Variants in FAT4 observed in about 807,000 individuals in gnomAD.
FAT4 encodes protocadherin Fat 4.
A neutral mutation model predicts 303.9 loss-of-function variants in FAT4; 84 were observed. The ratio of observed to expected loss-of-function variants is 0.28; its 90% CI spans 0.23 to 0.33. The LOEUF is 0.33. FAT4 is among the 10% of genes least tolerant of loss of function. FAT4 has a pLI of 1.00. For missense variants in FAT4, 6,005 were observed against 6,146.8 expected (o/e 0.98, Z 0.77); for synonymous variants, 2,307 against 2,298.8 (o/e 1.00, Z -0.10).
chr4:125,468,466 A>T, intron 11 of FAT4, 46 bp from the exon 12 acceptor site: 1 of 1,324,954 alleles, frequency 7.5e-7, no homozygotes, highest in Non-Finnish European at 1.0e-6. Flanking sequence ...ATATAATAAA[A>T]TTTTCATGAA....
chr4:125,369,222 T>C (rs2125990442), intron 2 of FAT4, among the ~76,000 whole-genome samples: 1 of 152,328 alleles, frequency 6.6e-6, no homozygotes, highest in East Asian at 1.9e-4. Context: ...AGCAGACCTC[T>C]AATCTGAATT....
At chr4:125,376,360 A>G (rs1341599210) in intron 2 of FAT4, among the ~76,000 whole-genome samples, 1 of 152,132 alleles carries the variant, frequency 6.6e-6, no homozygotes, top group Non-Finnish European at 1.5e-5. Context: ...TGTTGATGCT[A>G]TTTGAAAAAA....
chr4:125,328,200 C>T (rs1412173473), intron 2 of FAT4, among the ~76,000 whole-genome samples: 1 of 152,048 alleles, frequency 6.6e-6, no homozygotes, highest in Non-Finnish European at 1.5e-5. Flanking sequence ...AGTATGTTGA[C>T]TGAGAAGGAG....
rs201365776 is a variant in FAT4, at chr4:125,318,369, C to G, written c.1958C>G (p.Ala653Gly). The G allele has an allele frequency of 6.2e-7, 1 of 1,614,206 alleles. No individual in the cohort carries two copies. The highest frequency in any genetic ancestry group is 1.7e-5 in the Admixed American group (1 of 60,024). ...TISSLDREEQAFYSLLVLATD... is the reference protein window; with the variant it reads ...TISSLDREEQGFYSLLVLATD... ...TCCTCCTTGGACAGAGAAGAGCAAG[C>G]CTTCTACTCCCTGTTGGTTCTGGCC... Residue 653 changes from alanine (A) to glycine (G), a missense_variant, in exon 2 of 18, where the codon GCC becomes GGC. Ala to Gly is a moderately conservative substitution (Grantham distance 60, BLOSUM62 0). Transcript: ENST00000394329.
chr4:125,367,987 C>T (rs1453617045), intron 2 of FAT4, among the ~76,000 whole-genome samples: 2 of 152,214 alleles, frequency 1.3e-5, no homozygotes, highest in African/African-American at 2.4e-5. Flanking sequence ...TCTAAATCTG[C>T]CAGTCCAGTT....
chr4:125,468,069 C>G (rs922444734), intron 11 of FAT4, among the ~76,000 whole-genome samples: 3 of 151,968 alleles, frequency 2.0e-5, no homozygotes, highest in Non-Finnish European at 4.4e-5. Flanking sequence ...GAAGCTGAGA[C>G]AAGAGAATCG....
rs777856891 is a variant in FAT4 at position 125,490,882 on chromosome 4, T to G, written c.14066T>G (p.Leu4689Arg). ...SYGQGLRTSSLSHSACPTPNP... is the reference protein window; with the variant it reads ...SYGQGLRTSSRSHSACPTPNP... Reference sequence around the variant, plus strand: ...GGTCAAGGTTTGAGAACCAGCTCCCTAAGCCACTCAGCATGCCCAACTCCC... The same window carrying G: ...GGTCAAGGTTTGAGAACCAGCTCCCGAAGCCACTCAGCATGCCCAACTCCC... The change falls in exon 18 of 18, where the codon CTA becomes CGA. Residue 4689 changes from leucine (L) to arginine (R), a missense_variant. Coordinates refer to ENST00000394329, the MANE Select transcript of FAT4 (RefSeq NM_001291303.3). 1 of 1,614,172 alleles carries G rather than the reference T, an allele frequency of 6.2e-7. No homozygotes were observed. Among genetic ancestry groups the G allele is most frequent in the Non-Finnish European group, 8.5e-7 (1 of 1,180,032 alleles).
chr4:125,389,212 TATA>T (rs1378146495), intron 2 of FAT4, among the ~76,000 whole-genome samples: 1 of 152,086 alleles, frequency 6.6e-6, no homozygotes, highest in African/African-American at 2.4e-5. Context: ...TCTAAATAGA[TATA>T]ATATTATTTA....
At chr4:125,444,732 A>G (rs1360431004) in intron 8 of FAT4, among the ~76,000 whole-genome samples, 1 of 152,080 alleles carries the variant, frequency 6.6e-6, no homozygotes, top group African/African-American at 2.4e-5. Context: ...ATTTGATTGA[A>G]CCTTGATCCT....
At position 125,317,947 on chromosome 4, in the gene FAT4, C is replaced by T. The variant is rs991712758; in HGVS notation, c.1536C>T (p.Tyr512=). Residue 512 remains tyrosine (Y), a synonymous_variant, in exon 2 of 18, where the codon TAC becomes TAT. Transcript: ENST00000394329. This position sits in a 1 kb window ranked among gnomAD's most constrained non-coding sequence, Gnocchi z 7.0. ...GDSGLNANLR[Y]SIVSGNGLGW... is the part of the protein sequence containing the mutation. ...CTGGTCTCAATGCTAATCTGCGTTA[C>T]AGCATTGTCTCTGGCAATGGACTGG... The T allele has an allele frequency of 6.2e-7, 1 of 1,614,048 alleles. No homozygotes were observed. Among genetic ancestry groups the T allele is most frequent in the African/African-American group, 1.3e-5 (1 of 74,926 alleles).
chr4:125,365,134 A>G (rs1732828405), intron 2 of FAT4, among the ~76,000 whole-genome samples: 1 of 152,206 alleles, frequency 6.6e-6, no homozygotes, highest in Non-Finnish European at 1.5e-5. Context: ...GCCTTGAGCA[A>G]CTAAGTGGAT....
chr4:125,341,193 A>G (rs1731780072), intron 2 of FAT4, among the ~76,000 whole-genome samples: 1 of 152,220 alleles, frequency 6.6e-6, no homozygotes. Flanking sequence ...AAAAAATGAC[A>G]AAAGTGAAAG....
At chr4:125,376,848 G>T (rs1429582724) in intron 2 of FAT4, among the ~76,000 whole-genome samples, 3 of 152,120 alleles carry the variant, frequency 2.0e-5, no homozygotes, top group Non-Finnish European at 4.4e-5. Context: ...TCATGCCATT[G>T]CACTCCAGCC....
Position 125,398,774 on chromosome 4 carries a change from T to C in FAT4, c.5176-10T>C, listed in dbSNP as rs1404900698. 8 of 1,612,396 alleles carry C rather than the reference T, an allele frequency of 5.0e-6. No individual in the cohort carries two copies. Among genetic ancestry groups the C allele is most frequent in the Non-Finnish European group, 6.8e-6 (8 of 1,178,914 alleles). On this transcript the variant is annotated splice_polypyrimidine_tract_variant and intron_variant, in intron 2 of 17. Transcript: ENST00000394329. ...GAGTCATTCACACATTGTTTCCTTTTTCTTTGTAGGTAGAAATAACACTTC... is the reference window on the plus strand; with the variant it reads ...GAGTCATTCACACATTGTTTCCTTTCTCTTTGTAGGTAGAAATAACACTTC...
At chr4:125,466,363 A>G (rs1377899557) in intron 11 of FAT4, among the ~76,000 whole-genome samples, 1 of 152,006 alleles carries the variant, frequency 6.6e-6, no homozygotes, top group African/African-American at 2.4e-5. Flanking sequence ...TTTACACTCA[A>G]ATATTCAGCA....
At chr4:125,445,946 G>T (rs995623860) in intron 8 of FAT4, among the ~76,000 whole-genome samples, 1 of 151,936 alleles carries the variant, frequency 6.6e-6, no homozygotes, top group African/African-American at 2.4e-5. Flanking sequence ...TGTAATCCTG[G>T]CTACTAACCA....
intron 2 of FAT4, chr4:125,362,803 T>C (rs562302583): frequency 1.3e-5 from 2 of 152,294 alleles, no homozygotes; most frequent in South Asian, 4.1e-4. Flanking sequence ...AGTGTGATTA[T>C]GTCAAAAGGG....
In FAT4 at chr4:125,468,573, A is replaced by C; in HGVS notation, c.11967A>C (p.Glu3989Asp). 3 of 1,614,030 alleles carry C rather than the reference A, an allele frequency of 1.9e-6. No homozygotes were observed. Among genetic ancestry groups the C allele is most frequent in the Non-Finnish European group, 2.5e-6 (3 of 1,179,936 alleles). ...GATTTGAGGAGTTATCATACATGGA[A>C]TTTCCAAGCTTGGACCCCAATAACA... is the stretch of plus-strand genomic sequence containing the variant. ...SYGFEELSYM[E>D]FPSLDPNNNY... Residue 3989 changes from glutamate to aspartate, a missense_variant, in exon 12 of 18, where the codon GAA (glutamate) becomes GAC (aspartate). Physicochemically the swap from Glu to Asp is conservative, Grantham distance 45. Coordinates refer to ENST00000394329, the MANE Select transcript of FAT4 (RefSeq NM_001291303.3).
chr4:125,477,333 C>G lies in FAT4; in HGVS notation c.12478C>G (p.Gln4160Glu), dbSNP rs1727064953. 1 of 1,561,168 alleles carries G rather than the reference C, an allele frequency of 6.4e-7. No homozygotes were observed. The highest frequency in any genetic ancestry group is 1.2e-5 in the South Asian group (1 of 84,596). ...QALAAQGILD[Q>E]CPRLEGACTR... ...TTTGGCAGCACAAGGCATCCTAGAT[C>G]AGTATGGCGATTTTATTTCTTACTG... Residue 4160 changes from glutamine to glutamate, a missense_variant and splice_region_variant, in exon 14 of 18, where the codon CAA becomes GAA. Transcript: ENST00000394329.
Sources: gnomAD v4.1 joint callset for allele counts (sites outside exome capture counted in the v4.1 genomes callset) on GRCh38, gnomAD v4.1.1 for gene constraint, Gnocchi (gnomAD v3.1) non-coding constraint, MANE v1.5 for transcripts, NCBI Gene and HGNC (gene_info 2026-07-23, HGNC 2026-07-21) for gene names.